Variants in C4orf36 observed in about 807,000 individuals in gnomAD.
C4orf36 encodes the protein chromosome 4 open reading frame 36, also known as uncharacterized protein C4orf36.
C4orf36 carries 11 observed loss-of-function variants against 12.2 expected under a neutral mutation model. The observed-to-expected ratio is 0.90, with a 90% CI of 0.57 to 1.49. C4orf36 has a LOEUF of 1.49. C4orf36 is among the 40% of genes most tolerant of loss of function. C4orf36 has a pLI of 0.00. For missense variants in C4orf36, 137 were observed against 133.9 expected (o/e 1.02, Z -0.11); for synonymous variants, 54 against 51.3 (o/e 1.05, Z -0.22).
intron 4 of C4orf36, 102 bp from the exon 5 acceptor site, chr4:86,876,545 C>T (rs1423332451): frequency 6.2e-7 from 1 of 1,613,944 alleles, no homozygotes; most frequent in African/African-American, 1.3e-5. Context: ...AGCTATTGTA[C>T]AGTTTACAAG....
At chr4:86,886,807 T>C (rs1747187615) in intron 4 of C4orf36, 1 of 152,170 alleles carries the variant, frequency 6.6e-6, no homozygotes. Flanking sequence ...TAAAGACACA[T>C]GCACACGTAT....
chr4:86,913,691 G>C, the C4orf36 span: 9 of 1,604,302 alleles, frequency 5.6e-6, no homozygotes, highest in Non-Finnish European at 7.7e-6. Context: ...GGCTGACCCA[G>C]GCCAGGCGGC....
the C4orf36 span, chr4:86,913,988 C>T: frequency 6.4e-7 from 1 of 1,574,722 alleles, no homozygotes; most frequent in Non-Finnish European, 8.7e-7. Context: ...AGGCAGAAAA[C>T]AGTCTGCATT....
At chr4:86,905,072 C>A in the C4orf36 span, among the ~76,000 whole-genome samples, 1 of 151,834 alleles carries the variant, frequency 6.6e-6, no homozygotes, top group African/African-American at 2.4e-5. Flanking sequence ...CCCGTCTCTA[C>A]TAAAATATTT....
chr4:86,935,920 G>A, the C4orf36 span: 1 of 152,354 alleles, frequency 6.6e-6, no homozygotes, highest in Non-Finnish European at 1.5e-5. Flanking sequence ...CCCACCCTCC[G>A]ACGGTGCGAG....
chr4:86,895,529 T>C (rs1352457197), upstream of C4orf36, among the ~76,000 whole-genome samples: 1 of 152,184 alleles, frequency 6.6e-6, no homozygotes, highest in Non-Finnish European at 1.5e-5. Flanking sequence ...TTACAGACAT[T>C]TGCCATCCAG....
At chr4:86,924,966 G>C in the C4orf36 span, 1 of 152,164 alleles carries the variant, frequency 6.6e-6, no homozygotes, top group South Asian at 2.1e-4. Flanking sequence ...AGTAGGCAAA[G>C]GGGGAGCAGG....
At chr4:86,914,891 G>T in the C4orf36 span, 1 of 345,844 alleles carries the variant, frequency 2.9e-6, no homozygotes, top group South Asian at 2.4e-5. Flanking sequence ...AGGATTCATG[G>T]ACTCTGGGCA....
intron 4 of C4orf36, among the ~76,000 whole-genome samples, chr4:86,878,753 G>C (rs1746979748): frequency 6.6e-6 from 1 of 152,292 alleles, no homozygotes; most frequent in South Asian, 2.1e-4. Flanking sequence ...TTGGAACAGT[G>C]ACCAGAACAG....
chr4:86,892,199 C>T lies in C4orf36; in HGVS notation c.-90G>A. 1.0e-6 allele frequency: 1 copy of T among 985,582 alleles called. No individual in the cohort carries two copies. The highest frequency in any genetic ancestry group is 4.7e-5 in the South Asian group (1 of 21,292). The allele number at this position is 985,582 out of a possible 1,614,324, so 61.1% of individuals were successfully genotyped here. A position where few individuals can be genotyped will look rare whatever the true frequency, so the allele number is the denominator to read the frequency against. ...TTCCCACACCTGGGCCCCACCCTGC[C>T]TCCGACTCGCCAGGAATGCGCTGTG... On this transcript the variant is annotated 5_prime_UTR_variant, in exon 1 of 5. Transcript: ENST00000295898.
chr4:86,894,749 C>T (rs1747553033), upstream of C4orf36, among the ~76,000 whole-genome samples: 1 of 152,164 alleles, frequency 6.6e-6, no homozygotes, highest in Non-Finnish European at 1.5e-5. Flanking sequence ...TGCAGTCTCT[C>T]TTGGGTCACT....
At chr4:86,886,128 G>A (rs1469826616) in intron 4 of C4orf36, among the ~76,000 whole-genome samples, 2 of 152,188 alleles carry the variant, frequency 1.3e-5, no homozygotes, top group African/African-American at 4.8e-5. Flanking sequence ...TTTTTGCATC[G>A]ATGTTCATCA....
chr4:86,886,238 C>A (rs1393039519), intron 4 of C4orf36, among the ~76,000 whole-genome samples: 1 of 152,154 alleles, frequency 6.6e-6, no homozygotes, highest in Non-Finnish European at 1.5e-5. Context: ...AGGATACCCT[C>A]TTTTTCTATT....
At chr4:86,900,985 C>CT in the C4orf36 span, among the ~76,000 whole-genome samples, 3,466 of 138,048 alleles carry the variant, frequency 0.025, 75 homozygotes, top group African/African-American at 0.048. Context: ...GCAGTGGTTC[C>CT]TTTTTTTTTT....
At chr4:86,913,746 C>A in the C4orf36 span, 1 of 1,520,348 alleles carries the variant, frequency 6.6e-7, no homozygotes, top group Non-Finnish European at 9.1e-7. Context: ...GCCACCAGTG[C>A]CACTGCCACC....
chr4:86,893,581 CAA>C (rs559916313), upstream of C4orf36, among the ~76,000 whole-genome samples: 7 of 135,242 alleles, frequency 5.2e-5, no homozygotes, highest in African/African-American at 2.7e-5. Flanking sequence ...GACTCCATCT[CAA>C]AAAAAAAAAA....
the C4orf36 span, among the ~76,000 whole-genome samples, chr4:86,919,647 A>C: frequency 6.6e-6 from 1 of 152,032 alleles, no homozygotes; most frequent in African/African-American, 2.4e-5. Context: ...TTTTTAAATT[A>C]TGAATTCCAT....
At chr4:86,934,942 T>TGGGGGC in the C4orf36 span, 1 of 147,994 alleles carries the variant, frequency 6.8e-6, no homozygotes, top group Non-Finnish European at 1.5e-5. Flanking sequence ...GAGGTGGGGG[T>TGGGGGC]GGGGGCGGGG....
At chr4:86,891,680 A>T in intron 1 of C4orf36, 87 bp from the exon 2 acceptor site, 1 of 1,260,878 alleles carries the variant, frequency 7.9e-7, no homozygotes, top group Non-Finnish European at 1.1e-6. Flanking sequence ...AATGTCAGAA[A>T]GTCCTTAATA....
Sources: allele counts gnomAD v4.1 joint callset (sites outside exome capture counted in the v4.1 genomes callset), GRCh38; gene constraint gnomAD v4.1.1; transcripts MANE v1.5; gene names NCBI Gene and HGNC (gene_info 2026-07-23, HGNC 2026-07-21).